COPS4: variants seen among roughly 807,000 people sequenced by gnomAD.
The protein encoded by COPS4 is COP9 signalosome subunit 4, also known as COP9 signalosome complex subunit 4.
In COPS4, 8 loss-of-function variants were observed where a neutral mutation model predicts 55.1. The observed-to-expected ratio is 0.15, with a 90% CI of 0.09 to 0.26. The LOEUF is 0.26. COPS4 is among the 10% of genes least tolerant of loss of function. COPS4 has a pLI of 1.00. For synonymous variants in COPS4, 185 were observed against 165.7 expected (o/e 1.12, Z -0.90); for missense variants, 248 against 484.0 (o/e 0.51, Z 4.58).
intron 7 of COPS4, among the ~76,000 whole-genome samples, chr4:83,064,189 C>T (rs189789701): frequency 6.3e-4 from 96 of 152,120 alleles, no homozygotes; most frequent in African/African-American, 2.1e-3. Context: ...TAAAGAAAAA[C>T]AGCTAAGCAT....
chr4:83,041,263 A>G (rs1052973560), intron 1 of COPS4, among the ~76,000 whole-genome samples: 4 of 151,658 alleles, frequency 2.6e-5, no homozygotes, highest in Non-Finnish European at 5.9e-5. Context: ...GAGTTTCACC[A>G]TGTTGGGCAG....
intron 9 of COPS4, 120 bp downstream of exon 9, chr4:83,068,642 C>A: frequency 1.6e-6 from 1 of 644,042 alleles, no homozygotes; most frequent in Non-Finnish European, 2.7e-6. Flanking sequence ...GAGCTTATTT[C>A]CCAAAGAAAT....
chr4:83,053,914 A>C (rs1191919370), intron 4 of COPS4, among the ~76,000 whole-genome samples: 1 of 150,764 alleles, frequency 6.6e-6, no homozygotes, highest in East Asian at 2.0e-4. Flanking sequence ...TTTAAAATTT[A>C]TAGTTCTTTA....
intron 9 of COPS4, among the ~76,000 whole-genome samples, chr4:83,072,917 T>C (rs1731473195): frequency 6.6e-6 from 1 of 152,150 alleles, no homozygotes; most frequent in African/African-American, 2.4e-5. Flanking sequence ...TGGCTTATGA[T>C]TGTGACCCCA....
intron 4 of COPS4, among the ~76,000 whole-genome samples, chr4:83,056,716 G>A (rs1023930396): frequency 1.8e-4 from 27 of 152,170 alleles, no homozygotes; most frequent in South Asian, 8.3e-4. Flanking sequence ...GGAGAATGGC[G>A]TGAACCCGGG....
chr4:83,040,889 C>T (rs1257714856), intron 1 of COPS4, among the ~76,000 whole-genome samples: 1 of 150,150 alleles, frequency 6.7e-6, no homozygotes, highest in African/African-American at 2.5e-5. Flanking sequence ...GGTACATTTT[C>T]ATGCTTTATT....
At chr4:83,046,494 C>T (rs572681681) in intron 2 of COPS4, among the ~76,000 whole-genome samples, 10 of 152,226 alleles carry the variant, frequency 6.6e-5, no homozygotes, top group South Asian at 4.1e-4. Flanking sequence ...CTTGTATATT[C>T]GCCATATTGC....
At position 83,049,885 on chromosome 4, in the gene COPS4, C is replaced by A; in HGVS notation, c.311C>A (p.Ala104Asp). Reference protein sequence around the residue: ...PRVISFEEQVASIRQHLASIY... With the variant: ...PRVISFEEQVDSIRQHLASIY... The stretch of plus-strand genomic sequence containing the variant: ...CATGTATACCTATTATTCCAGGTTG[C>A]TTCCATAAGACAGCATCTTGCATCT... The change falls in exon 4 of 10, where the codon GCT becomes GAT. Residue 104 changes from alanine (A) to aspartate (D), a missense_variant. Transcript: ENST00000264389. 6.3e-7 allele frequency: 1 copy of A among 1,586,650 alleles called. No homozygotes were observed. Among genetic ancestry groups the A allele is most frequent in the Admixed American group, 1.8e-5 (1 of 55,406 alleles).
At chr4:83,053,694 A>T (rs566065573) in intron 4 of COPS4, among the ~76,000 whole-genome samples, 2 of 152,110 alleles carry the variant, frequency 1.3e-5, no homozygotes, top group East Asian at 3.9e-4. Context: ...TACAAAAATT[A>T]GCCGGTGTGG....
At position 83,071,450 on chromosome 4, in the gene COPS4, G is replaced by T. The variant is rs72931165; in HGVS notation, c.1087+2928G>T. On this transcript the variant is annotated intron_variant, in intron 9 of 9. Transcript: ENST00000264389. Reference sequence around the variant, plus strand: ...ATTTTTTTTTCTTAAGAGACAACTCGCTGTGTTGCCCAGGCTGAGGTGCAG... The same window carrying T: ...ATTTTTTTTTCTTAAGAGACAACTCTCTGTGTTGCCCAGGCTGAGGTGCAG... Among the ~76,000 whole-genome samples, 896 of 151,848 alleles carry T rather than the reference G, an allele frequency of 5.9e-3. 10 individuals are homozygous for T. The highest frequency in any genetic ancestry group is 0.021 in the African/African-American group (868 of 41,372).
At chr4:83,066,622 A>G in intron 8 of COPS4, 69 bp downstream of exon 8, 3 of 732,436 alleles carry the variant, frequency 4.1e-6, no homozygotes, top group Non-Finnish European at 6.8e-6. Flanking sequence ...ATGAGAAAAT[A>G]AAATAAATGT....
At chr4:83,049,058 G>A in intron 2 of COPS4, 108 bp from the exon 3 acceptor site, 2 of 977,468 alleles carry the variant, frequency 2.0e-6, no homozygotes, top group South Asian at 3.0e-5. Context: ...TGCATTGAAG[G>A]CTGTACTAAT....
intron 9 of COPS4, among the ~76,000 whole-genome samples, chr4:83,069,189 ACTTTTTCATTGT>A (rs1237876386): frequency 6.6e-6 from 1 of 152,160 alleles, no homozygotes; most frequent in Non-Finnish European, 1.5e-5. Flanking sequence ...GGATCCCTTG[ACTTTTTCATTGT>A]CTAATACCTT....
At chr4:83,075,201 C>T (rs1275071907) in intron 9 of COPS4, 96 bp from the exon 10 acceptor site, 3 of 1,064,944 alleles carry the variant, frequency 2.8e-6, no homozygotes, top group Non-Finnish European at 4.1e-6. Flanking sequence ...ATGCCTCTTC[C>T]AAGAATAGGC....
At chr4:83,037,059 G>A (rs1433275109) in intron 1 of COPS4, among the ~76,000 whole-genome samples, 1 of 152,188 alleles carries the variant, frequency 6.6e-6, no homozygotes, top group African/African-American at 2.4e-5. Flanking sequence ...CTGCTTTGCT[G>A]GTCTTGTCTG....
intron 1 of COPS4, among the ~76,000 whole-genome samples, chr4:83,042,145 G>A (rs1329095164): frequency 1.3e-5 from 2 of 152,064 alleles, no homozygotes; most frequent in South Asian, 2.1e-4. Context: ...GATTACAGGC[G>A]TGAGCCACCG....
chr4:83,056,520 C>T (rs935861615), intron 4 of COPS4, among the ~76,000 whole-genome samples: 7 of 152,000 alleles, frequency 4.6e-5, no homozygotes, highest in Admixed American at 3.3e-4. Context: ...GATTCCCGGC[C>T]GGGGGCAGTG....
At chr4:83,063,784 A>G (rs1731232658) in intron 7 of COPS4, among the ~76,000 whole-genome samples, 1 of 151,792 alleles carries the variant, frequency 6.6e-6, no homozygotes, top group Non-Finnish European at 1.5e-5. Flanking sequence ...ATCTCGGTTC[A>G]CCACAACCTC....
chr4:83,066,634 GGAAA>G, intron 8 of COPS4, 81 bp downstream of exon 8: 5 of 669,858 alleles, frequency 7.5e-6, no homozygotes, highest in Non-Finnish European at 1.3e-5. Context: ...AATAAATGTT[GGAAA>G]CAACATTTAT....
Sources: gnomAD v4.1 joint callset for allele counts (sites outside exome capture counted in the v4.1 genomes callset) on GRCh38, gnomAD v4.1.1 for gene constraint, MANE v1.5 for transcripts, NCBI Gene and HGNC (gene_info 2026-07-23, HGNC 2026-07-21) for gene names.